The following PREX2 variants were observed in gnomAD, a reference collection of about 807,000 sequenced individuals.
PREX2 encodes the protein phosphatidylinositol-3,4,5-trisphosphate dependent Rac exchange factor 2.
PREX2 carries 107 observed loss-of-function variants against 203.2 expected under a neutral mutation model. The observed-to-expected ratio is 0.53, with a 90% CI of 0.45 to 0.62. The LOEUF (loss-of-function observed/expected upper bound fraction) is 0.62. PREX2 is among the 20% of genes least tolerant of loss of function. The pLI is 0.00. For missense variants in PREX2, 1,777 were observed against 1,955.9 expected, an observed-to-expected ratio of 0.91 and a Z score of 1.72; for synonymous variants, 672 against 663.6, an observed-to-expected ratio of 1.01 and a Z score of -0.19.
chr8:68,117,500 T>G (rs1035552096), intron 26 of PREX2, among the ~76,000 whole-genome samples: 1 of 152,210 alleles, frequency 6.6e-6, no homozygotes, highest in Non-Finnish European at 1.5e-5. Context: ...TAGGAATCTG[T>G]AGAGTTTTTC....
At chr8:67,973,780 T>A (rs1805992328) in intron 1 of PREX2, among the ~76,000 whole-genome samples, 1 of 152,208 alleles carries the variant, frequency 6.6e-6, no homozygotes, top group African/African-American at 2.4e-5. Flanking sequence ...GGCCTGATAG[T>A]AAAGCAAGTC....
At chr8:68,034,783 T>A (rs1353109513) in intron 6 of PREX2, among the ~76,000 whole-genome samples, 2 of 152,276 alleles carry the variant, frequency 1.3e-5, no homozygotes, top group Non-Finnish European at 2.9e-5. Context: ...TCAAGTCATG[T>A]TTCTTGTTAT....
At chr8:68,060,184 A>G (rs762505316) in intron 10 of PREX2, among the ~76,000 whole-genome samples, 6 of 152,272 alleles carry the variant, frequency 3.9e-5, no homozygotes, top group Middle Eastern at 3.4e-3. Flanking sequence ...CACATGGTAC[A>G]TGTGGTTTTG....
chr8:67,966,430 G>GT (rs11448237), intron 1 of PREX2, among the ~76,000 whole-genome samples: 72,284 of 148,076 alleles, frequency 0.49, 17,628 homozygotes, highest in East Asian at 0.6. Flanking sequence ...AAATCTACAG[G>GT]TTTTTTTTTT....
intron 30 of PREX2, 33 bp from the exon 31 acceptor site, chr8:68,127,345 A>G (rs186452805): frequency 1.9e-6 from 3 of 1,544,458 alleles, no homozygotes; most frequent in Non-Finnish European, 2.7e-6. Flanking sequence ...AGAAAGAGTG[A>G]ACAATTAACT....
intron 25 of PREX2, 108 bp from the exon 26 acceptor site, chr8:68,115,645 T>C (rs575395017): frequency 1.5e-6 from 1 of 676,192 alleles, no homozygotes; most frequent in East Asian, 3.0e-5. Flanking sequence ...ATATGAAACA[T>C]TGAAGCACTC....
At chr8:67,969,406 C>T (rs551264396) in intron 1 of PREX2, among the ~76,000 whole-genome samples, 407 of 152,218 alleles carry the variant, frequency 2.7e-3, no homozygotes, top group Middle Eastern at 0.014. Flanking sequence ...TATCTTTTCT[C>T]ATGCAGGAGC....
intron 35 of PREX2, among the ~76,000 whole-genome samples, chr8:68,180,949 A>T (rs950194209): frequency 6.6e-6 from 1 of 152,176 alleles, no homozygotes; most frequent in Non-Finnish European, 1.5e-5. Context: ...TTATTTCTTC[A>T]CTAGAATGAA....
At chr8:68,009,972 T>C (rs1014718947) in intron 1 of PREX2, among the ~76,000 whole-genome samples, 2 of 152,188 alleles carry the variant, frequency 1.3e-5, no homozygotes, top group African/African-American at 4.8e-5. Flanking sequence ...TGACATCTCA[T>C]TGAAATTAAA....
At chr8:68,060,919 T>C (rs1808831442) in intron 11 of PREX2, 140 bp downstream of exon 11, 6 of 594,804 alleles carry the variant, frequency 1.0e-5, no homozygotes, top group South Asian at 8.9e-5. Context: ...ACCTAATAAG[T>C]GTAGAACAGT....
intron 4 of PREX2, among the ~76,000 whole-genome samples, chr8:68,026,485 T>TCAAACAA (rs1264944859): frequency 5.3e-5 from 8 of 152,122 alleles, no homozygotes; most frequent in African/African-American, 9.7e-5. Flanking sequence ...CAAGTCTGTT[T>TCAAACAA]CATTGCATGT....
intron 35 of PREX2, among the ~76,000 whole-genome samples, chr8:68,181,489 A>C (rs1396499626): frequency 6.6e-6 from 1 of 152,102 alleles, no homozygotes; most frequent in Non-Finnish European, 1.5e-5. Flanking sequence ...AGTTGATTTG[A>C]ATTAAGCACT....
chr8:67,965,493 A>G (rs988251950), intron 1 of PREX2, among the ~76,000 whole-genome samples: 5 of 117,058 alleles, frequency 4.3e-5, no homozygotes, highest in African/African-American at 1.8e-4. Context: ...TTATGAGTGT[A>G]TATGTATATA....
At chr8:67,975,698 T>TC (rs1806059694) in intron 1 of PREX2, among the ~76,000 whole-genome samples, 1 of 99,598 alleles carries the variant, frequency 1.0e-5, no homozygotes, top group South Asian at 4.0e-4. Flanking sequence ...CTCTTTCTTT[T>TC]TTTTTTTTTT....
intron 20 of PREX2, among the ~76,000 whole-genome samples, chr8:68,091,981 T>C (rs1809889529): frequency 6.6e-6 from 1 of 152,158 alleles, no homozygotes; most frequent in African/African-American, 2.4e-5. Flanking sequence ...GTCTTGATTC[T>C]ATGGGGCGGC....
Position 68,212,413 on chromosome 8 carries a change from G to A in PREX2, c.4605-5203G>A, listed in dbSNP as rs190947725. On this transcript the variant is annotated intron_variant, in intron 37 of 39. Transcript: ENST00000288368. ...ATGGGACTTGGCTTTGTTCACTGTTGCATCTCCTACACACTGGAGTAATGG... is the reference window on the plus strand; with the variant it reads ...ATGGGACTTGGCTTTGTTCACTGTTACATCTCCTACACACTGGAGTAATGG... Among the ~76,000 whole-genome samples, 4 of 152,198 alleles carry A rather than the reference G, an allele frequency of 2.6e-5. No individual in the cohort carries two copies. The East Asian group carries it at 7.7e-4, about 29-fold the overall frequency.
chr8:68,183,514 G>A (rs764511193), intron 35 of PREX2, among the ~76,000 whole-genome samples: 11 of 152,066 alleles, frequency 7.2e-5, no homozygotes, highest in Non-Finnish European at 1.3e-4. Flanking sequence ...CTAATGGCAG[G>A]ACATTGTGTT....
chr8:67,973,680 G>A (rs1805988868), intron 1 of PREX2, among the ~76,000 whole-genome samples: 1 of 152,086 alleles, frequency 6.6e-6, no homozygotes, highest in Non-Finnish European at 1.5e-5. Context: ...TAGCACTTCA[G>A]TGTTATTGGT....
Position 68,138,533 on chromosome 8 carries a change from T to C in PREX2, c.4087+16T>C. On this transcript the variant is annotated intron_variant, in intron 33 of 39. Coordinates refer to ENST00000288368, the MANE Select transcript of PREX2 (RefSeq NM_024870.4). ...CTGGTTGCAAGTAAGTAATTAGGTA[T>C]TTACAAAATTTATTTGGCATCAAAT... 7.9e-7 allele frequency: 1 copy of C among 1,262,418 alleles called. No individual in the cohort carries two copies. The highest frequency in any genetic ancestry group is 1.1e-6 in the Non-Finnish European group (1 of 881,972). The allele number at this position is 1,262,418 out of a possible 1,614,324, so 78.2% of individuals were successfully genotyped here.
Sources: gnomAD v4.1 joint callset for allele counts (sites outside exome capture counted in the v4.1 genomes callset) on GRCh38, gnomAD v4.1.1 for gene constraint, MANE v1.5 for transcripts, NCBI Gene and HGNC (gene_info 2026-07-23, HGNC 2026-07-21) for gene names.